Variants in ANKRD31 observed in about 807,000 individuals in gnomAD.
ANKRD31 encodes ankyrin repeat domain 31.
In ANKRD31, 147 loss-of-function variants were observed where a neutral mutation model predicts 186.0. That is an observed-to-expected ratio of 0.79 (90% CI 0.69 to 0.91). The LOEUF (loss-of-function observed/expected upper bound fraction) is 0.91. Ranked by LOEUF, ANKRD31 falls within the 40% of genes least tolerant of loss-of-function variation. ANKRD31 has a pLI of 0.00. For synonymous variants in ANKRD31, 673 were observed against 736.4 expected, an observed-to-expected ratio of 0.91 and a Z score of 1.39; for missense variants, 1,986 against 2,148.8, an observed-to-expected ratio of 0.92 and a Z score of 1.50.
chr5:75,117,895 T>C (rs1228324020), intron 18 of ANKRD31, among the ~76,000 whole-genome samples: 1 of 152,166 alleles, frequency 6.6e-6, no homozygotes, highest in East Asian at 1.9e-4. Context: ...TAATGTTTGC[T>C]TGATGAATGC....
chr5:75,227,226 A>G (rs1171044325), intron 2 of ANKRD31, among the ~76,000 whole-genome samples: 4 of 152,206 alleles, frequency 2.6e-5, no homozygotes, highest in African/African-American at 9.6e-5. Context: ...CAAAATCACA[A>G]CAATTGAACT....
intron 25 of ANKRD31, among the ~76,000 whole-genome samples, chr5:75,079,360 T>C (rs541349255): frequency 3.3e-4 from 50 of 152,300 alleles, no homozygotes; most frequent in African/African-American, 1.2e-3. Flanking sequence ...GTTTAGGAAA[T>C]ACTGATTAAC....
At chr5:75,075,419 T>G (rs1744554370) in intron 25 of ANKRD31, among the ~76,000 whole-genome samples, 1 of 152,230 alleles carries the variant, frequency 6.6e-6, no homozygotes, top group Admixed American at 6.5e-5. Flanking sequence ...TGCCTAGCAC[T>G]TTTTGATACT....
At chr5:75,225,737 C>T (rs1360571818) in intron 2 of ANKRD31, 1 of 158,410 alleles carries the variant, frequency 6.3e-6, no homozygotes, top group Non-Finnish European at 1.4e-5. Context: ...GCTGTGGTGG[C>T]TATGGTGAGA....
rs1246246916 is a variant in ANKRD31, at chr5:75,107,523, G to A, written c.4338C>T (p.Tyr1446=). ...TTTTTTTTTCTTTTTCTACTCACCTGTATTTTTTAGCCAGATCATCCCTTT... is the reference window on the plus strand; with the variant it reads ...TTTTTTTTTCTTTTTCTACTCACCTATATTTTTTAGCCAGATCATCCCTTT... ...KAERDDLAKK[Y]RVSIESFKHG... Residue 1446 remains tyrosine, a splice_region_variant and synonymous_variant, in exon 21 of 26, where the codon TAC becomes TAT. Transcript: ENST00000506364. The A allele has an allele frequency of 1.3e-5, 20 of 1,515,644 alleles. No homozygotes were observed. The highest frequency in any genetic ancestry group is 6.2e-5 in the Admixed American group (3 of 48,174). 93.9% of individuals were successfully genotyped at this position (1,515,644 alleles called of 1,614,324 possible). A position where few individuals can be genotyped will look rare whatever the true frequency, so the allele number is the denominator to read the frequency against.
chr5:75,121,856 T>C (rs553891579), intron 17 of ANKRD31, among the ~76,000 whole-genome samples: 1 of 151,870 alleles, frequency 6.6e-6, no homozygotes, highest in East Asian at 1.9e-4. Context: ...ATCAAAAGAA[T>C]AGAAAGATTA....
intron 17 of ANKRD31, among the ~76,000 whole-genome samples, chr5:75,124,492 T>A (rs1341094105): frequency 6.6e-6 from 1 of 152,184 alleles, no homozygotes; most frequent in Non-Finnish European, 1.5e-5. Flanking sequence ...AAATGTTCAC[T>A]GTAACACTAT....
chr5:75,114,940 G>T (rs953424439), intron 19 of ANKRD31, among the ~76,000 whole-genome samples: 2 of 152,070 alleles, frequency 1.3e-5, no homozygotes, highest in East Asian at 1.9e-4. Flanking sequence ...AAAAGAGCCC[G>T]CATCGCCAAG....
intron 17 of ANKRD31, among the ~76,000 whole-genome samples, chr5:75,130,154 G>A (rs908511749): frequency 2.0e-5 from 3 of 152,140 alleles, no homozygotes; most frequent in Non-Finnish European, 4.4e-5. Flanking sequence ...GCAAACCTTT[G>A]CAGTGAGTGT....
intron 4 of ANKRD31, among the ~76,000 whole-genome samples, chr5:75,209,977 C>T (rs1756506365): frequency 6.6e-6 from 1 of 152,164 alleles, no homozygotes; most frequent in African/African-American, 2.4e-5. Flanking sequence ...CACTATTGTG[C>T]AAATGTAAAT....
chr5:75,177,904 G>A (rs1344873338), intron 10 of ANKRD31, among the ~76,000 whole-genome samples: 1 of 152,066 alleles, frequency 6.6e-6, no homozygotes, highest in Non-Finnish European at 1.5e-5. Flanking sequence ...AAATGTAAAT[G>A]GGCTAAATGC....
intron 2 of ANKRD31, among the ~76,000 whole-genome samples, chr5:75,230,067 C>CTG (rs367620881): frequency 2.0e-5 from 3 of 150,854 alleles, no homozygotes; most frequent in South Asian, 2.1e-4. Flanking sequence ...ATCTGTGTGT[C>CTG]TGTGTGTGTG....
At chr5:75,118,358 C>T in intron 17 of ANKRD31, 61 bp from the exon 18 acceptor site, 3 of 1,282,512 alleles carry the variant, frequency 2.3e-6, no homozygotes, top group Non-Finnish European at 3.0e-6. Context: ...TTTCTGTTTT[C>T]ATCACAAACA....
intron 1 of ANKRD31, among the ~76,000 whole-genome samples, chr5:75,236,168 TCA>T (rs904776209): frequency 1.3e-5 from 2 of 152,176 alleles, no homozygotes; most frequent in African/African-American, 4.8e-5. Context: ...AGTTTCCCCA[TCA>T]CACATTCTTT....
At chr5:75,221,594 A>G (rs1030393786) in intron 3 of ANKRD31, among the ~76,000 whole-genome samples, 1 of 152,232 alleles carries the variant, frequency 6.6e-6, no homozygotes, top group East Asian at 1.9e-4. Context: ...GAGGTGTAAG[A>G]GTGGACAAAA....
intron 11 of ANKRD31, among the ~76,000 whole-genome samples, chr5:75,165,831 A>G (rs1167105905): frequency 2.0e-5 from 3 of 152,224 alleles, no homozygotes; most frequent in African/African-American, 7.2e-5. Flanking sequence ...ATTAAAACAT[A>G]TTTAAGATAC....
intron 2 of ANKRD31, among the ~76,000 whole-genome samples, chr5:75,226,385 G>A (rs1329414545): frequency 6.6e-6 from 1 of 152,150 alleles, no homozygotes; most frequent in African/African-American, 2.4e-5. Context: ...TGACCCAGTG[G>A]TGGTGGCTAT....
chr5:75,141,996 T>C (rs1386976119), intron 15 of ANKRD31, among the ~76,000 whole-genome samples: 3 of 152,136 alleles, frequency 2.0e-5, no homozygotes, highest in Non-Finnish European at 2.9e-5. Context: ...CAAAATCTGA[T>C]AGAAATTCAA....
intron 5 of ANKRD31, among the ~76,000 whole-genome samples, chr5:75,204,106 A>G (rs1756000009): frequency 6.6e-6 from 1 of 152,196 alleles, no homozygotes; most frequent in Non-Finnish European, 1.5e-5. Flanking sequence ...TTAAACATTG[A>G]TAACAAACTT....
Sources: gnomAD v4.1 joint callset for allele counts (sites outside exome capture counted in the v4.1 genomes callset) on GRCh38, gnomAD v4.1.1 for gene constraint, MANE v1.5 for transcripts, NCBI Gene and HGNC (gene_info 2026-07-23, HGNC 2026-07-21) for gene names.